The following PLBD1 variants were observed in gnomAD, a reference collection of about 807,000 sequenced individuals.
PLBD1 encodes the protein lysosomal leucine aminopeptidase.
PLBD1 carries 60 observed loss-of-function variants against 63.0 expected under a neutral mutation model. That is an observed-to-expected ratio of 0.95 (90% CI 0.77 to 1.18). The LOEUF (loss-of-function observed/expected upper bound fraction) is 1.18, where lower values mean the gene tolerates loss of function less well. Among genes scored for constraint, PLBD1 ranks in the 50% most tolerant of loss-of-function variants. The pLI is 0.00. For missense variants in PLBD1, 598 were observed against 677.9 expected (o/e 0.88, Z 1.31); for synonymous variants, 262 against 248.0 (o/e 1.06, Z -0.53).
At chr12:14,550,677 G>A (rs1945650385) in intron 2 of PLBD1, among the ~76,000 whole-genome samples, 2 of 152,022 alleles carry the variant, frequency 1.3e-5, no homozygotes, top group Admixed American at 6.6e-5. Flanking sequence ...TCAGGAGTTC[G>A]AGACCAGCCT....
At chr12:14,516,349 A>G (rs1945337005) in intron 6 of PLBD1, among the ~76,000 whole-genome samples, 1 of 152,056 alleles carries the variant, frequency 6.6e-6, no homozygotes, top group Non-Finnish European at 1.5e-5. Flanking sequence ...AAAAACAAAC[A>G]AACAACAACA....
intron 6 of PLBD1, among the ~76,000 whole-genome samples, chr12:14,518,166 GT>G (rs1473880998): frequency 1.3e-5 from 2 of 152,174 alleles, no homozygotes; most frequent in Non-Finnish European, 2.9e-5. Flanking sequence ...GGGTAACAGA[GT>G]GAGATTCTGT....
chr12:14,541,795 T>C (rs1945573879), intron 3 of PLBD1, among the ~76,000 whole-genome samples: 1 of 152,192 alleles, frequency 6.6e-6, no homozygotes, highest in Admixed American at 6.5e-5. Context: ...TTAAGAGTTA[T>C]AACTTTAGAT....
In PLBD1 at chr12:14,536,640, G is replaced by C; in HGVS notation, c.629C>G (p.Ser210Cys). 3 of 1,614,156 alleles carry C rather than the reference G, an allele frequency of 1.9e-6. No individual in the cohort carries two copies. The highest frequency in any genetic ancestry group is 2.2e-5 in the South Asian group (2 of 91,086). ...GDLLDLIPSLSPTKNGSLKVF... is the reference protein window; with the variant it reads ...GDLLDLIPSLCPTKNGSLKVF... ...CTTTAGGCTGCCGTTTTTTGTGGGAGAGAGTGAGGGAATCAGATCCAATAG... is the reference window on the plus strand; with the variant it reads ...CTTTAGGCTGCCGTTTTTTGTGGGACAGAGTGAGGGAATCAGATCCAATAG... Residue 210 changes from serine to cysteine, a missense_variant, in exon 5 of 11, where the codon TCT becomes TGT. Transcript: ENST00000240617.
chr12:14,553,634 G>C (rs988060872), intron 1 of PLBD1: 10 of 581,290 alleles, frequency 1.7e-5, no homozygotes, highest in Non-Finnish European at 3.0e-5. Context: ...GGTCAAAGGT[G>C]GGGGTGTAGC....
chr12:14,503,804 T>C lies in PLBD1; in HGVS notation c.1630A>G (p.Met544Val). 7 of 1,613,798 alleles carry C rather than the reference T, an allele frequency of 4.3e-6. No individual in the cohort carries two copies. The highest frequency in any genetic ancestry group is 5.9e-6 in the Non-Finnish European group (7 of 1,179,778). Residue 544 changes from methionine to valine, a missense_variant, in exon 11 of 11, where the codon ATG (methionine) becomes GTG (valine). Coordinates refer to ENST00000240617, the MANE Select transcript of PLBD1 (RefSeq NM_024829.6). ...ATATCAAGTTTCAAAATTGGTTTCATGGTAATAAAATCAAAGTTGTAGACC... is the reference window on the plus strand; with the variant it reads ...ATATCAAGTTTCAAAATTGGTTTCACGGTAATAAAATCAAAGTTGTAGACC... ...PEVYNFDFIT[M>V]KPILKLDIK
chr12:14,561,333 A>G (rs1488040713), intron 1 of PLBD1, among the ~76,000 whole-genome samples: 1 of 152,016 alleles, frequency 6.6e-6, no homozygotes, highest in Admixed American at 6.6e-5. Context: ...AGTTCTTGCC[A>G]AAAGCCCTAT....
rs377534501 is a variant in PLBD1, at chr12:14,566,809, A to C, written c.115+773T>G. On this transcript the variant is annotated intron_variant, in intron 1 of 10. Coordinates refer to ENST00000240617, the MANE Select transcript of PLBD1 (RefSeq NM_024829.6). ...GATTATATATTAAAAAAAAAAAAAAAAAACTGCCGGGCGCGGTGGCTCATG... is the reference window on the plus strand; with the variant it reads ...GATTATATATTAAAAAAAAAAAAAACAAACTGCCGGGCGCGGTGGCTCATG... Among the ~76,000 whole-genome samples, 186 of 151,878 alleles carry C rather than the reference A, an allele frequency of 1.2e-3. 1 individual carries two copies. The highest frequency in any genetic ancestry group is 4.1e-3 in the African/African-American group (170 of 41,478).
intron 2 of PLBD1, among the ~76,000 whole-genome samples, chr12:14,550,741 GGT>G (rs1945651588): frequency 1.3e-5 from 2 of 152,036 alleles, no homozygotes; most frequent in Admixed American, 1.3e-4. Context: ...AGCCAGGCGT[GGT>G]GGCTCATGCC....
At chr12:14,563,030 A>G (rs902758683) in intron 1 of PLBD1, among the ~76,000 whole-genome samples, 5 of 152,354 alleles carry the variant, frequency 3.3e-5, no homozygotes, top group Non-Finnish European at 5.9e-5. Flanking sequence ...TTTTACTTCA[A>G]TGTAAACACT....
At position 14,511,683 on chromosome 12, in the gene PLBD1, G is replaced by A. The variant is rs374901750; in HGVS notation, c.873C>T (p.Tyr291=). Residue 291 remains tyrosine, a synonymous_variant, in exon 7 of 11, where the codon TAC becomes TAT. Transcript: ENST00000240617. ...GCAATATCAATCCACTGCTAAGAATGTAAAAATCATCCAGAGACTCCAAAA... is the reference window on the plus strand; with the variant it reads ...GCAATATCAATCCACTGCTAAGAATATAAAAATCATCCAGAGACTCCAAAA... The part of the protein sequence containing the change: ...PGFLESLDDF[Y]ILSSGLILLQ... 64 of 1,614,090 alleles carry A rather than the reference G, an allele frequency of 4.0e-5. No individual in the cohort carries two copies. The South Asian group carries it at 5.8e-4, about 15-fold the overall frequency.
chr12:14,539,614 CAT>C (rs1175516976), intron 4 of PLBD1, among the ~76,000 whole-genome samples: 1 of 151,602 alleles, frequency 6.6e-6, no homozygotes, highest in East Asian at 1.9e-4. Flanking sequence ...GGTAAAACCT[CAT>C]CTCTACTAAA....
rs1945255202 is a variant in PLBD1 at position 14,506,276 on chromosome 12, A to G, written c.1373-8T>C. 1 of 1,569,492 alleles carries G rather than the reference A, an allele frequency of 6.4e-7. No homozygotes were observed. The highest frequency in any genetic ancestry group is 1.7e-5 in the Admixed American group (1 of 58,734). ...AAGGATCCTTCTTATAATCTAGGAA[A>G]CAGAAATGGGGAAGAGAGTGATTAT... On this transcript the variant is annotated splice_region_variant and splice_polypyrimidine_tract_variant and intron_variant, in intron 9 of 10. Transcript: ENST00000240617.
At chr12:14,521,112 G>A (rs1591997048) in intron 6 of PLBD1, among the ~76,000 whole-genome samples, 1 of 152,126 alleles carries the variant, frequency 6.6e-6, no homozygotes, top group East Asian at 1.9e-4. Context: ...CAGTTGAGCA[G>A]CTACTGTTTC....
At chr12:14,523,653 A>C (rs1945394868) in intron 6 of PLBD1, among the ~76,000 whole-genome samples, 1 of 152,210 alleles carries the variant, frequency 6.6e-6, no homozygotes, top group Non-Finnish European at 1.5e-5. Context: ...AAGACAGAAT[A>C]AAAAATACAG....
In PLBD1 at chr12:14,536,591, T is replaced by C. The variant is rs777780179; in HGVS notation, c.678A>G (p.Gly226=). The C allele has an allele frequency of 1.2e-6, 2 of 1,614,184 alleles. No homozygotes were observed. The highest frequency in any genetic ancestry group is 2.2e-5 in the East Asian group (1 of 44,884). Residue 226 remains glycine, a synonymous_variant, in exon 5 of 11, where the codon GGA becomes GGG. Coordinates refer to ENST00000240617, the MANE Select transcript of PLBD1 (RefSeq NM_024829.6). ...SLKVFKRWDM[G]HCSALIKVLP... ...TTACCTTGATAAGAGCGGAGCAATG[T>C]CCCATGTCCCATCTCTTAAAAACCT...
chr12:14,548,076 G>A (rs939869859), intron 2 of PLBD1, among the ~76,000 whole-genome samples: 3 of 152,082 alleles, frequency 2.0e-5, no homozygotes, highest in Admixed American at 2.0e-4. Context: ...ATTGTAAATG[G>A]TATATAAGTG....
rs551139429 is a variant in PLBD1 at position 14,566,751 on chromosome 12, C to T, written c.115+831G>A. ...TACTTCTGATCAATCTCACTTTTCT[C>T]ATCTGCAGAATGGGGAATATAATCC... On this transcript the variant is annotated intron_variant, in intron 1 of 10. Transcript: ENST00000240617. Among the ~76,000 whole-genome samples, 13 of 150,404 alleles carry T rather than the reference C, an allele frequency of 8.6e-5. No homozygotes were observed. The Middle Eastern group carries it at 0.01, about 118-fold the overall frequency.
At chr12:14,542,320 T>G (rs1295777550) in intron 2 of PLBD1, 29 bp from the exon 3 acceptor site, 1 of 1,516,406 alleles carries the variant, frequency 6.6e-7, no homozygotes, top group South Asian at 1.1e-5. Context: ...ATTATTACAT[T>G]TATATTTTTC....
Sources: allele counts gnomAD v4.1 joint callset (sites outside exome capture counted in the v4.1 genomes callset), GRCh38; gene constraint gnomAD v4.1.1; transcripts MANE v1.5; gene names NCBI Gene and HGNC (gene_info 2026-07-23, HGNC 2026-07-21).